REDIC1: variants seen among roughly 807,000 people sequenced by gnomAD.
The protein encoded by REDIC1 is HEI10 Interacting Protein 1.
the REDIC1 span, among the ~76,000 whole-genome samples, chr12:39,714,240 T>TGC: frequency 2.1e-5 from 3 of 141,308 alleles, no homozygotes; most frequent in African/African-American, 7.6e-5. Flanking sequence ...TATATGTATA[T>TGC]ATGTATATAC....
At chr12:39,898,414 T>G in the REDIC1 span, among the ~76,000 whole-genome samples, 1 of 152,140 alleles carries the variant, frequency 6.6e-6, no homozygotes, top group Non-Finnish European at 1.5e-5. Context: ...GATTTACCTG[T>G]AAAGTAAAAT....
chr12:39,669,521 G>A, the REDIC1 span, among the ~76,000 whole-genome samples: 2 of 152,352 alleles, frequency 1.3e-5, no homozygotes, highest in South Asian at 4.1e-4. Context: ...TGAGGGCGCA[G>A]TCTGTCCATT....
At chr12:39,820,322 G>C in the REDIC1 span, among the ~76,000 whole-genome samples, 1 of 152,186 alleles carries the variant, frequency 6.6e-6, no homozygotes, top group Admixed American at 6.5e-5. Context: ...TATGAGCACA[G>C]AGTTTTGTGT....
the REDIC1 span, among the ~76,000 whole-genome samples, chr12:39,704,736 G>A: frequency 6.6e-6 from 1 of 152,206 alleles, no homozygotes. Context: ...GGAATACTAT[G>A]CAGCCATAAA....
the REDIC1 span, among the ~76,000 whole-genome samples, chr12:39,705,485 C>T: frequency 6.6e-6 from 1 of 151,990 alleles, no homozygotes; most frequent in African/African-American, 2.4e-5. Flanking sequence ...TAACCTGATA[C>T]CAAAACCAGA....
At chr12:39,776,732 TTTTC>T in the REDIC1 span, among the ~76,000 whole-genome samples, 1 of 8,432 alleles carries the variant, frequency 1.2e-4, no homozygotes, top group Non-Finnish European at 2.6e-4. Flanking sequence ...GTTGAGACAT[TTTTC>T]TTTCTTTTTT....
At chr12:39,685,161 C>T in the REDIC1 span, among the ~76,000 whole-genome samples, 1 of 152,062 alleles carries the variant, frequency 6.6e-6, no homozygotes, top group African/African-American at 2.4e-5. Flanking sequence ...ATCTTGAGGA[C>T]ATTTTAAACA....
chr12:39,741,332 T>G, the REDIC1 span, among the ~76,000 whole-genome samples: 1 of 152,166 alleles, frequency 6.6e-6, no homozygotes, highest in African/African-American at 2.4e-5. Flanking sequence ...CCTACCTTAA[T>G]CCTGGGGATG....
chr12:39,759,877 C>T, the REDIC1 span: 1 of 601,380 alleles, frequency 1.7e-6, no homozygotes, highest in Non-Finnish European at 2.9e-6. Context: ...ATGGTTGTAT[C>T]TTCCTCCTAA....
chr12:39,898,767 A>C, the REDIC1 span, among the ~76,000 whole-genome samples: 6 of 152,114 alleles, frequency 3.9e-5, no homozygotes, highest in Non-Finnish European at 7.4e-5. Context: ...CACTACTTAC[A>C]TCTCTCTCAA....
chr12:39,766,829 G>C, the REDIC1 span, among the ~76,000 whole-genome samples: 1 of 152,038 alleles, frequency 6.6e-6, no homozygotes, highest in African/African-American at 2.4e-5. Flanking sequence ...TTTATCATGA[G>C]ATTGCAGCAA....
chr12:39,893,095 A>G, the REDIC1 span, among the ~76,000 whole-genome samples: 3 of 152,228 alleles, frequency 2.0e-5, no homozygotes, highest in Admixed American at 6.5e-5. Context: ...TCCTATTGAG[A>G]AAACTAATCC....
the REDIC1 span, among the ~76,000 whole-genome samples, chr12:39,798,664 G>A: frequency 6.6e-6 from 1 of 152,116 alleles, no homozygotes; most frequent in Non-Finnish European, 1.5e-5. Flanking sequence ...GAACAGCCCG[G>A]GCTAGTGCTG....
At chr12:39,726,534 G>A in the REDIC1 span, among the ~76,000 whole-genome samples, 2 of 152,168 alleles carry the variant, frequency 1.3e-5, no homozygotes, top group Non-Finnish European at 2.9e-5. Flanking sequence ...TGGTGTATAT[G>A]TGCCACATTT....
At chr12:39,728,523 T>C in the REDIC1 span, among the ~76,000 whole-genome samples, 1 of 152,170 alleles carries the variant, frequency 6.6e-6, no homozygotes, top group Non-Finnish European at 1.5e-5. Context: ...ATAAGCTTTT[T>C]GATGTGCTGC....
At chr12:39,908,103 C>G in the REDIC1 span, 1 of 151,942 alleles carries the variant, frequency 6.6e-6, no homozygotes, top group Non-Finnish European at 1.5e-5. Context: ...CTAGATTTCA[C>G]TTTTTCTCTT....
At chr12:39,831,502 T>C in the REDIC1 span, among the ~76,000 whole-genome samples, 1 of 152,172 alleles carries the variant, frequency 6.6e-6, no homozygotes, top group Non-Finnish European at 1.5e-5. Flanking sequence ...TATGAAAGAA[T>C]ATTTCTTAAT....
chr12:39,768,904 G>C, the REDIC1 span, among the ~76,000 whole-genome samples: 1 of 152,074 alleles, frequency 6.6e-6, no homozygotes, highest in Non-Finnish European at 1.5e-5. Flanking sequence ...TGCAATGTCT[G>C]TGAAGTGCAA....
the REDIC1 span, among the ~76,000 whole-genome samples, chr12:39,693,556 A>G: frequency 6.6e-6 from 1 of 152,046 alleles, no homozygotes; most frequent in Non-Finnish European, 1.5e-5. Flanking sequence ...AGAATATTTT[A>G]TAAAAGAATT....
Sources: gnomAD v4.1 joint callset for allele counts (sites outside exome capture counted in the v4.1 genomes callset) on GRCh38, gnomAD v4.1.1 for gene constraint, MANE v1.5 for transcripts, NCBI Gene and HGNC (gene_info 2026-07-23, HGNC 2026-07-21) for gene names.